Variants in RNF220 observed in about 807,000 individuals in gnomAD.
RNF220 encodes the protein ring finger protein 220, also known as E3 ubiquitin-protein ligase RNF220.
A neutral mutation model predicts 67.1 loss-of-function variants in RNF220; 7 were observed. That is an observed-to-expected ratio of 0.10 (90% CI 0.06 to 0.20). The LOEUF (loss-of-function observed/expected upper bound fraction) is 0.20. Among genes scored for constraint, RNF220 ranks in the 10% least tolerant of loss-of-function variants. The probability of loss-of-function intolerance (pLI) is 1.00; values close to 1 mark genes in which losing one functional copy is unlikely to be tolerated. For missense variants in RNF220, 565 were observed against 740.3 expected (o/e 0.76, Z 2.75); for synonymous variants, 270 against 283.2 (o/e 0.95, Z 0.47).
At chr1:44,540,439 C>T (rs1661584977) in intron 2 of RNF220, among the ~76,000 whole-genome samples, 1 of 152,168 alleles carries the variant, frequency 6.6e-6, no homozygotes, top group Non-Finnish European at 1.5e-5. Context: ...CTGATGTTAG[C>T]TCCTGGAATG....
At chr1:44,529,113 T>A (rs1660634199) in intron 2 of RNF220, among the ~76,000 whole-genome samples, 1 of 152,166 alleles carries the variant, frequency 6.6e-6, no homozygotes. Context: ...AAGAAAATAA[T>A]TAGATATGTG....
intron 2 of RNF220, among the ~76,000 whole-genome samples, chr1:44,483,921 C>G (rs1656054794): frequency 6.6e-6 from 1 of 152,142 alleles, no homozygotes; most frequent in African/African-American, 2.4e-5. Context: ...AGCCCCCTTT[C>G]CAGGAGTCTG....
intron 2 of RNF220, among the ~76,000 whole-genome samples, chr1:44,454,040 GGAAA>G (rs1272530760): frequency 6.6e-6 from 1 of 152,112 alleles, no homozygotes; most frequent in Non-Finnish European, 1.5e-5. Flanking sequence ...AGAATGAGAG[GGAAA>G]GAGTCAAAAC....
chr1:44,637,062 C>G (rs1044425571), intron 8 of RNF220, among the ~76,000 whole-genome samples: 2 of 152,206 alleles, frequency 1.3e-5, no homozygotes, highest in South Asian at 4.1e-4. Flanking sequence ...TTCCCGTCTG[C>G]CTCTCTCTCT....
chr1:44,433,357 C>T (rs1396305581), intron 2 of RNF220, among the ~76,000 whole-genome samples: 1 of 152,154 alleles, frequency 6.6e-6, no homozygotes, highest in Non-Finnish European at 1.5e-5. Context: ...GGTAAAAGTA[C>T]GTAACAGTTC....
chr1:44,423,786 G>C, intron 2 of RNF220: 1 of 966,828 alleles, frequency 1.0e-6, no homozygotes, highest in Middle Eastern at 5.3e-4. Flanking sequence ...TCTTGGCAGA[G>C]TTTCTTGGCA....
intron 2 of RNF220, among the ~76,000 whole-genome samples, chr1:44,446,961 A>G (rs568042018): frequency 1.3e-5 from 2 of 152,344 alleles, no homozygotes; most frequent in Non-Finnish European, 2.9e-5. Context: ...TTTCTGGTCC[A>G]TGAGCTCTAC....
chr1:44,560,053 C>G (rs536657723), intron 2 of RNF220, among the ~76,000 whole-genome samples: 1 of 152,208 alleles, frequency 6.6e-6, no homozygotes, highest in Non-Finnish European at 1.5e-5. Flanking sequence ...AGGCAGGCAA[C>G]CCCAGCAAGC....
At chr1:44,408,441 T>G (rs1222313079) in intron 1 of RNF220, among the ~76,000 whole-genome samples, 1 of 152,144 alleles carries the variant, frequency 6.6e-6, no homozygotes, top group African/African-American at 2.4e-5. Flanking sequence ...GTTAGAGCGG[T>G]GTTTCCAAAT....
rs559847174 is a variant in RNF220 at position 44,483,763 on chromosome 1, A to G, written c.625+71041A>G. 1.2e-4 allele frequency among the ~76,000 whole-genome samples: 18 copies of G among 152,354 alleles called. No individual in the cohort carries two copies. The East Asian group carries it at 3.3e-3, about 28-fold the overall frequency. ...GTGCAACTTGATCTGATTTGAGATTATGATTTATAGTTTGCTTTTGCATAT... is the reference window on the plus strand; with the variant it reads ...GTGCAACTTGATCTGATTTGAGATTGTGATTTATAGTTTGCTTTTGCATAT... On this transcript the variant is annotated intron_variant, in intron 2 of 14. Coordinates refer to ENST00000361799, the MANE Select transcript of RNF220 (RefSeq NM_018150.4).
At chr1:44,438,360 C>T (rs573918762) in intron 2 of RNF220, among the ~76,000 whole-genome samples, 14 of 152,260 alleles carry the variant, frequency 9.2e-5, no homozygotes, top group African/African-American at 3.1e-4. Context: ...TGGGCTCAAG[C>T]GATCTTCCTT....
At chr1:44,493,457 T>A (rs1177578127) in intron 2 of RNF220, among the ~76,000 whole-genome samples, 8 of 152,048 alleles carry the variant, frequency 5.3e-5, no homozygotes, top group Non-Finnish European at 2.9e-5. Flanking sequence ...GAGGTTGCGG[T>A]GAGCCAAGAT....
rs997657872 is a variant in RNF220, at chr1:44,650,265, G to T, written c.1629+308G>T. ...GGGGTCAGGAGGAGGCTGGCTGTAG[G>T]TAAACAGGACCAGGGCCTTGGCCCC... On this transcript the variant is annotated intron_variant, in intron 14 of 14. Transcript: ENST00000361799. The surrounding 1 kb of genome is among the most constrained non-coding windows in gnomAD (Gnocchi z 4.3). 5.9e-5 allele frequency: 31 copies of T among 525,156 alleles called. No individual in the cohort carries two copies. The highest frequency in any genetic ancestry group is 9.5e-5 in the Non-Finnish European group (28 of 293,358). 32.5% of individuals were successfully genotyped at this position (525,156 alleles called of 1,614,324 possible).
chr1:44,632,314 T>C (rs1424548867), intron 5 of RNF220, 29 bp from the exon 6 acceptor site: 1 of 1,614,072 alleles, frequency 6.2e-7, no homozygotes, highest in Non-Finnish European at 8.5e-7. Context: ...TCTTTTCTTT[T>C]CTTGCATCTG....
At chr1:44,508,010 G>T (rs1326691663) in intron 2 of RNF220, among the ~76,000 whole-genome samples, 1 of 152,122 alleles carries the variant, frequency 6.6e-6, no homozygotes, top group Non-Finnish European at 1.5e-5. Context: ...TCTGTGCTGG[G>T]GTAGGATCCA....
rs57137766 is a variant in RNF220 at position 44,414,318 on chromosome 1, G to A, written c.625+1596G>A. On this transcript the variant is annotated intron_variant, in intron 2 of 14. Coordinates refer to ENST00000361799, the MANE Select transcript of RNF220 (RefSeq NM_018150.4). ...CTCCAGCCAAAACTGCCTTGTGTTA[G>A]GGTGTGACAGATTCCGCCCCTTTTT... is the stretch of plus-strand genomic sequence containing the variant. 2.3e-3 allele frequency among the ~76,000 whole-genome samples: 356 copies of A among 152,350 alleles called. 1 individual carries two copies. The highest frequency in any genetic ancestry group is 8.2e-3 in the African/African-American group (340 of 41,586).
chr1:44,480,576 C>T (rs1245814752), intron 2 of RNF220, among the ~76,000 whole-genome samples: 1 of 152,116 alleles, frequency 6.6e-6, no homozygotes, highest in Non-Finnish European at 1.5e-5. Flanking sequence ...CAATAGAGAT[C>T]ATAAAACCAA....
At chr1:44,551,271 C>T (rs571192460) in intron 2 of RNF220, among the ~76,000 whole-genome samples, 21 of 152,066 alleles carry the variant, frequency 1.4e-4, no homozygotes, top group African/African-American at 4.1e-4. Flanking sequence ...CGGGCCACCA[C>T]GCCTGGCTAA....
chr1:44,479,327 A>G (rs1004925596), intron 2 of RNF220, among the ~76,000 whole-genome samples: 1 of 152,110 alleles, frequency 6.6e-6, no homozygotes, highest in Non-Finnish European at 1.5e-5. Flanking sequence ...CGTGCTAGCC[A>G]GGATGGTCTC....
Sources: allele counts gnomAD v4.1 joint callset (sites outside exome capture counted in the v4.1 genomes callset), GRCh38; gene constraint gnomAD v4.1.1; non-coding constraint Gnocchi (gnomAD v3.1); transcripts MANE v1.5; gene names NCBI Gene and HGNC (gene_info 2026-07-23, HGNC 2026-07-21).